The following EGF variants were observed in gnomAD, a reference collection of about 807,000 sequenced individuals.
EGF encodes pro-epidermal growth factor.
EGF carries 95 observed loss-of-function variants against 143.8 expected under a neutral mutation model. That is an observed-to-expected ratio of 0.66 (90% confidence interval 0.56 to 0.78). The LOEUF (loss-of-function observed/expected upper bound fraction) is 0.78, where lower values mean the gene tolerates loss of function less well. Among genes scored for constraint, EGF ranks in the 30% least tolerant of loss-of-function variants. EGF has a pLI of 0.00. For synonymous variants in EGF, 510 were observed against 510.5 expected, an observed-to-expected ratio of 1.00 and a Z score of 0.01; for missense variants, 1,320 against 1,470.9, an observed-to-expected ratio of 0.90 and a Z score of 1.68.
chr4:109,913,291 CA>C lies in EGF; in HGVS notation c.-41del. Reference sequence around the variant, plus strand: ...TCACCTTGCCCGGGCCATGCTCCAGCAAAATCAAGCTGTTTTCTTTTGAAAG... The same window carrying C: ...TCACCTTGCCCGGGCCATGCTCCAGCAAATCAAGCTGTTTTCTTTTGAAAG... On this transcript the variant is annotated 5_prime_UTR_variant, in exon 1 of 24. It removes the in-frame stop codon of an upstream open reading frame in the 5' UTR. Coordinates refer to ENST00000265171, the MANE Select transcript of EGF (RefSeq NM_001963.6). The C allele has an allele frequency of 6.2e-7, 1 of 1,610,726 alleles. No homozygotes were observed. The highest frequency in any genetic ancestry group is 8.5e-7 in the Non-Finnish European group (1 of 1,178,062).
At chr4:109,963,981 T>C (rs1746132244) in intron 9 of EGF, among the ~76,000 whole-genome samples, 1 of 152,174 alleles carries the variant, frequency 6.6e-6, no homozygotes, top group African/African-American at 2.4e-5. Flanking sequence ...CTCAAATCAT[T>C]GTGCCTCCCT....
chr4:109,993,040 T>C (rs1031536295), intron 18 of EGF, among the ~76,000 whole-genome samples: 2 of 151,512 alleles, frequency 1.3e-5, no homozygotes, highest in Non-Finnish European at 2.9e-5. Flanking sequence ...GGCACATGTA[T>C]ACATATGTAA....
Position 109,987,820 on chromosome 4 carries a change from G to A in EGF, c.2568G>A (p.Gln856=). ...CISEGEDATC[Q]CLKGFAGDGK... is the part of the protein sequence containing the mutation. ...CAGAGGGAGAGGATGCCACATGTCA[G>A]TGTTTGAAAGGATTTGCTGGGGATG... Residue 856 remains glutamine, a synonymous_variant, in exon 17 of 24, where the codon CAG becomes CAA. Transcript: ENST00000265171. 2 of 1,613,956 alleles carry A rather than the reference G, an allele frequency of 1.2e-6. No individual in the cohort carries two copies. The highest frequency in any genetic ancestry group is 1.7e-6 in the Non-Finnish European group (2 of 1,179,864).
intron 16 of EGF, 129 bp downstream of exon 16, chr4:109,983,670 T>C (rs1472046680): frequency 1.6e-6 from 2 of 1,272,568 alleles, no homozygotes; most frequent in African/African-American, 2.9e-5. Context: ...AACCAAACCT[T>C]GGACTCAAGT....
rs58841408 is a variant in EGF at position 109,992,170 on chromosome 4, T to TAA, written c.2735-1048_2735-1047dup. ...TCCTTAGCAACCAAGCAAGATTCTT[T>TAA]AAAAAAAAAAAAAAAAAAAAAAAAA... On this transcript the variant is annotated intron_variant, in intron 18 of 23. Transcript: ENST00000265171. Among the ~76,000 whole-genome samples, 420 of 65,516 alleles carry TAA rather than the reference T, an allele frequency of 6.4e-3. 9 individuals are homozygous for TAA. Among genetic ancestry groups the TAA allele is most frequent in the East Asian group, 0.014 (12 of 834 alleles). 43.0% of individuals were successfully genotyped at this position (65,516 alleles called of 152,430 possible). A position where few individuals can be genotyped will look rare whatever the true frequency, so the allele number is the denominator to read the frequency against.
intron 10 of EGF, 38 bp from the exon 11 acceptor site, chr4:109,968,933 T>C (rs41475346): frequency 1.2e-6 from 2 of 1,605,512 alleles, no homozygotes; most frequent in Non-Finnish European, 1.7e-6. Context: ...ACATTAGTTT[T>C]AAAAAAAAAT....
chr4:109,966,312 C>G (rs1746575621), intron 10 of EGF, among the ~76,000 whole-genome samples: 1 of 152,036 alleles, frequency 6.6e-6, no homozygotes, highest in Non-Finnish European at 1.5e-5. Flanking sequence ...TTTTGATTTT[C>G]TATTTGAGTC....
chr4:109,985,847 T>G (rs1750043008), intron 16 of EGF, among the ~76,000 whole-genome samples: 1 of 152,226 alleles, frequency 6.6e-6, no homozygotes, highest in South Asian at 2.1e-4. Context: ...ATGAATTATA[T>G]TAGTTTCACT....
intron 5 of EGF, among the ~76,000 whole-genome samples, chr4:109,950,758 TCTC>T: frequency 6.6e-6 from 1 of 152,302 alleles, no homozygotes; most frequent in East Asian, 1.9e-4. Context: ...ACCAGCTGTC[TCTC>T]CTCATCCTCT....
At chr4:109,949,357 G>A (rs964207982) in intron 5 of EGF, among the ~76,000 whole-genome samples, 4 of 152,164 alleles carry the variant, frequency 2.6e-5, no homozygotes, top group Admixed American at 6.5e-5. Context: ...TTGAGCCGCC[G>A]TGCCTGGCCT....
At chr4:109,988,480 G>A in intron 17 of EGF, 104 bp from the exon 18 acceptor site, 7 of 1,552,980 alleles carry the variant, frequency 4.5e-6, no homozygotes, top group Admixed American at 3.4e-5. Flanking sequence ...ACCTGTAAAG[G>A]ACTGAATAAG....
At chr4:110,010,768 A>G (rs1753890759) in intron 23 of EGF, among the ~76,000 whole-genome samples, 1 of 152,180 alleles carries the variant, frequency 6.6e-6, no homozygotes, top group Admixed American at 6.5e-5. Context: ...TTTTTTAAAA[A>G]TTGGGCTCAG....
intron 11 of EGF, among the ~76,000 whole-genome samples, chr4:109,970,660 A>C (rs2126086674): frequency 6.6e-6 from 1 of 152,084 alleles, no homozygotes; most frequent in South Asian, 2.1e-4. Flanking sequence ...CCCCGTCTCT[A>C]CTAAAAATAC....
intron 4 of EGF, among the ~76,000 whole-genome samples, chr4:109,944,455 T>C (rs1397736161): frequency 2.0e-5 from 3 of 152,104 alleles, no homozygotes; most frequent in African/African-American, 7.2e-5. Flanking sequence ...AAGACTTGAG[T>C]TCAAGCTCCA....
intron 20 of EGF, among the ~76,000 whole-genome samples, chr4:109,995,603 C>A (rs1751695883): frequency 6.6e-6 from 1 of 152,132 alleles, no homozygotes; most frequent in Non-Finnish European, 1.5e-5. Flanking sequence ...GCCAGTTCTG[C>A]CTCAAATTTT....
chr4:109,930,935 ATTGATTTGCTGTT>A (rs1368288989), intron 1 of EGF, among the ~76,000 whole-genome samples: 1 of 152,180 alleles, frequency 6.6e-6, no homozygotes, highest in East Asian at 1.9e-4. Context: ...AGAGGTTCTA[ATTGATTTGCTGTT>A]TGCTGCCTTA....
intron 1 of EGF, among the ~76,000 whole-genome samples, chr4:109,927,401 T>TG (rs1000657293): frequency 1.3e-5 from 2 of 151,986 alleles, no homozygotes; most frequent in Admixed American, 6.6e-5. Flanking sequence ...TTTGGGACTG[T>TG]GGGGCATTCC....
chr4:110,004,239 C>CACAT (rs1752956261), intron 21 of EGF: 1 of 478,698 alleles, frequency 2.1e-6, no homozygotes, highest in African/African-American at 2.0e-5. Context: ...CACACACACA[C>CACAT]ACACACACAC....
intron 12 of EGF, 96 bp from the exon 13 acceptor site, chr4:109,975,916 A>T: frequency 7.6e-7 from 1 of 1,320,142 alleles, no homozygotes. Flanking sequence ...ACTTTAGTAT[A>T]TCATGAGGTA....
Sources: gnomAD v4.1 joint callset for allele counts (sites outside exome capture counted in the v4.1 genomes callset) on GRCh38, gnomAD v4.1.1 for gene constraint, MANE v1.5 for transcripts, NCBI Gene and HGNC (gene_info 2026-07-23, HGNC 2026-07-21) for gene names.